Variants in TTC29 observed in about 807,000 individuals in gnomAD.
The protein encoded by TTC29 is tetratricopeptide repeat domain 29, also known as tetratricopeptide repeat protein 29.
Under a neutral mutation model 58.1 loss-of-function variants are expected in TTC29, and 49 were observed. The ratio of observed to expected loss-of-function variants is 0.84; its 90% confidence interval spans 0.67 to 1.07. The LOEUF (loss-of-function observed/expected upper bound fraction) is 1.07. Among genes scored for constraint, TTC29 ranks in the 50% least tolerant of loss-of-function variants. The pLI is 0.00. For synonymous variants in TTC29, 209 were observed against 196.8 expected, an observed-to-expected ratio of 1.06 and a Z score of -0.52; for missense variants, 582 against 555.6, an observed-to-expected ratio of 1.05 and a Z score of -0.48.
At chr4:146,738,095 A>G (rs751518522) in intron 11 of TTC29, among the ~76,000 whole-genome samples, 1 of 152,208 alleles carries the variant, frequency 6.6e-6, no homozygotes, top group Non-Finnish European at 1.5e-5. Context: ...TATGAATGGA[A>G]ATGGACTGAG....
intron 11 of TTC29, among the ~76,000 whole-genome samples, chr4:146,782,043 T>C (rs1748648486): frequency 2.0e-5 from 3 of 151,908 alleles, no homozygotes; most frequent in African/African-American, 7.2e-5. Context: ...ATACCAGCTA[T>C]AAAACATGCT....
chr4:146,928,081 T>G lies in TTC29; in HGVS notation c.176+9513A>C, dbSNP rs546914497. On this transcript the variant is annotated intron_variant, in intron 4 of 12. Coordinates refer to ENST00000325106, the MANE Select transcript of TTC29 (RefSeq NM_031956.4). ...CTAATACAGTCGAGCCATTTAAGAA[T>G]GAGTAAGAATCATGAGACAGTAAGG... Among the ~76,000 whole-genome samples the G allele has an allele frequency of 1.4e-3, 207 of 152,184 alleles. 1 individual carries two copies. Among genetic ancestry groups the G allele is most frequent in the Non-Finnish European group, 1.6e-4 (11 of 68,026 alleles).
At chr4:146,821,953 C>G (rs1383599197) in intron 9 of TTC29, among the ~76,000 whole-genome samples, 1 of 147,212 alleles carries the variant, frequency 6.8e-6, no homozygotes, top group Non-Finnish European at 1.5e-5. Context: ...GGAGTACATT[C>G]ACTCACCTAT....
At chr4:146,931,552 A>G (rs1357048540) in intron 4 of TTC29, among the ~76,000 whole-genome samples, 1 of 152,210 alleles carries the variant, frequency 6.6e-6, no homozygotes, top group Non-Finnish European at 1.5e-5. Flanking sequence ...AAAGCAGGTA[A>G]CCTTAAGACA....
chr4:146,929,630 T>C (rs1220054272), intron 4 of TTC29, among the ~76,000 whole-genome samples: 1 of 152,160 alleles, frequency 6.6e-6, no homozygotes, highest in Admixed American at 6.6e-5. Context: ...AGCTTTTCTT[T>C]GTTGTGTCAA....
chr4:146,823,362 TC>T (rs1323099191), intron 9 of TTC29, among the ~76,000 whole-genome samples: 2 of 152,208 alleles, frequency 1.3e-5, no homozygotes, highest in African/African-American at 4.8e-5. Context: ...GAATAGGAGA[TC>T]CTTTCCCCAT....
rs372163584 is a variant in TTC29 at position 146,907,597 on chromosome 4, C to G, written c.400+1429G>C. ...CACTGCAACTTTTGTCTCTCGGGTT[C>G]AAGCAATTCCCTGCCTCAGCCTTCT... On this transcript the variant is annotated intron_variant, in intron 5 of 12. Transcript: ENST00000325106. Among the ~76,000 whole-genome samples, 14 of 152,310 alleles carry G rather than the reference C, an allele frequency of 9.2e-5. No individual in the cohort carries two copies. In the East Asian group the frequency reaches 1.5e-3, roughly 17 times the overall value.
chr4:146,843,445 A>G (rs1180497232), intron 8 of TTC29, among the ~76,000 whole-genome samples: 3 of 152,068 alleles, frequency 2.0e-5, no homozygotes, highest in African/African-American at 7.2e-5. Context: ...GAAATCCATG[A>G]CTCATCATTC....
At position 146,776,741 on chromosome 4, in the gene TTC29, A is replaced by G. The variant is rs1162918707; in HGVS notation, c.1330+26716T>C. On this transcript the variant is annotated intron_variant, in intron 11 of 12. Coordinates refer to ENST00000325106, the MANE Select transcript of TTC29 (RefSeq NM_031956.4). ...CAGTGGGATCTGTGCCTGCTCAAGT[A>G]TGCTAGCACAGCAGGGTGCATACAC... Among the ~76,000 whole-genome samples, 6 of 152,346 alleles carry G rather than the reference A, an allele frequency of 3.9e-5. No homozygotes were observed. In the South Asian group the frequency reaches 1.0e-3, roughly 26 times the overall value.
intron 8 of TTC29, among the ~76,000 whole-genome samples, chr4:146,845,505 C>T (rs550974263): frequency 1.3e-5 from 2 of 152,156 alleles, no homozygotes; most frequent in South Asian, 4.1e-4. Flanking sequence ...GATAACATAA[C>T]CAATAATATC....
At chr4:146,877,483 A>G (rs1371472006) in intron 6 of TTC29, among the ~76,000 whole-genome samples, 4 of 152,138 alleles carry the variant, frequency 2.6e-5, no homozygotes, top group African/African-American at 9.7e-5. Flanking sequence ...TTCCAGAAAA[A>G]CAGGCATAGT....
Position 146,820,181 on chromosome 4 carries a change from GAAAATTGTTTCTTGCAATTTTCAC to G in TTC29, c.1021_1044del (p.Val341_Phe348del). ...CTTGCTCTCACCAAATCTAGGCTTTGAAAATTGTTTCTTGCAATTTTCACAAATTTTTTCAAGTATTTAATTGCT... is the reference window on the plus strand; with the variant it reads ...CTTGCTCTCACCAAATCTAGGCTTTGAAATTTTTTCAAGTATTTAATTGCT... On this transcript the variant is annotated inframe_deletion, in exon 10 of 13. Transcript: ENST00000325106. 6.2e-7 allele frequency: 1 copy of G among 1,613,250 alleles called. No individual in the cohort carries two copies. Among genetic ancestry groups the G allele is most frequent in the Non-Finnish European group, 8.5e-7 (1 of 1,179,762 alleles).
intron 8 of TTC29, among the ~76,000 whole-genome samples, chr4:146,841,973 C>T (rs1458967463): frequency 6.6e-6 from 1 of 152,108 alleles, no homozygotes; most frequent in African/African-American, 2.4e-5. Context: ...TAGTGCTTAT[C>T]TAACCTAGTT....
chr4:146,787,274 A>G (rs549389733), intron 11 of TTC29, among the ~76,000 whole-genome samples: 3 of 152,298 alleles, frequency 2.0e-5, no homozygotes, highest in South Asian at 2.1e-4. Flanking sequence ...AAGAGAAATT[A>G]TCATAGGTGG....
rs529553766 is a variant in TTC29 at position 146,825,500 on chromosome 4, C to T, written c.978-5252G>A. On this transcript the variant is annotated intron_variant, in intron 9 of 12. Transcript: ENST00000325106. ...TATGAGTTCAGTTCTTTTGCATTTG[C>T]TGAGGAGTGTTTTACTTCCAATTAT... 2.3e-3 allele frequency among the ~76,000 whole-genome samples: 353 copies of T among 152,252 alleles called. 2 individuals are homozygous for T. The highest frequency in any genetic ancestry group is 8.1e-3 in the African/African-American group (338 of 41,542).
chr4:146,814,399 C>T (rs532480023), intron 10 of TTC29, among the ~76,000 whole-genome samples: 24 of 136,880 alleles, frequency 1.8e-4, no homozygotes, highest in Admixed American at 1.7e-3. Context: ...CTGAGCAACA[C>T]GACAAAACCC....
chr4:146,892,736 G>T, intron 6 of TTC29, among the ~76,000 whole-genome samples: 1 of 152,324 alleles, frequency 6.6e-6, no homozygotes, highest in Middle Eastern at 3.4e-3. Flanking sequence ...AAAAGAGGAA[G>T]TCAAATTGTC....
chr4:146,943,651 T>C (rs1480781675), intron 2 of TTC29, among the ~76,000 whole-genome samples: 2 of 152,224 alleles, frequency 1.3e-5, no homozygotes, highest in Non-Finnish European at 1.5e-5. Flanking sequence ...GTGATCTGAA[T>C]TTTATGACAG....
At chr4:146,815,624 A>G (rs1436230877) in intron 10 of TTC29, among the ~76,000 whole-genome samples, 1 of 152,224 alleles carries the variant, frequency 6.6e-6, no homozygotes. Flanking sequence ...TAAAAAGAGA[A>G]GATTGCCTGG....
Sources: gnomAD v4.1 joint callset for allele counts (sites outside exome capture counted in the v4.1 genomes callset) on GRCh38, gnomAD v4.1.1 for gene constraint, MANE v1.5 for transcripts, NCBI Gene and HGNC (gene_info 2026-07-23, HGNC 2026-07-21) for gene names.